TNS2: variants seen among roughly 807,000 people sequenced by gnomAD.
TNS2 encodes tensin 2.
In TNS2, 77 loss-of-function variants were observed where a neutral mutation model predicts 155.7. The ratio of observed to expected loss-of-function variants is 0.49; its 90% confidence interval spans 0.41 to 0.60. The LOEUF (loss-of-function observed/expected upper bound fraction) is 0.60, where lower values mean the gene tolerates loss of function less well. Among genes scored for constraint, TNS2 ranks in the 20% least tolerant of loss-of-function variants. The pLI, the probability that TNS2 is intolerant of heterozygous loss-of-function variation, is 0.00. For missense variants in TNS2, 1,703 were observed against 1,868.8 expected (o/e 0.91, Z 1.64); for synonymous variants, 726 against 763.9 (o/e 0.95, Z 0.82).
chr12:53,059,467 A>G lies in TNS2; in HGVS notation c.1826A>G (p.Tyr609Cys). 6.5e-7 allele frequency: 1 copy of G among 1,534,672 alleles called. No homozygotes were observed. The highest frequency in any genetic ancestry group is 1.4e-5 in the African/African-American group (1 of 71,830). Residue 609 changes from tyrosine (Y) to cysteine (C), a missense_variant, in exon 18 of 29, where the codon TAC (tyrosine) becomes TGC (cysteine). Transcript: ENST00000314250. The surrounding 1 kb of genome is among the most constrained non-coding windows in gnomAD (Gnocchi z 4.7). ...CCCTGCGGGGTTCCCAATGGGGGCT[A>G]CTACCGGCCAGAGGGAACCCTGGAG... ...REPCGVPNGG[Y>C]YRPEGTLERR...
At chr12:53,053,614 C>G in intron 4 of TNS2, 160 bp from the exon 5 acceptor site, 3 of 1,356,986 alleles carry the variant, frequency 2.2e-6, no homozygotes, top group Non-Finnish European at 3.0e-6. Context: ...CTCTGCTGAT[C>G]TTGTGCCCTT....
chr12:53,060,953 C>A lies in TNS2; in HGVS notation c.3047C>A (p.Pro1016His). 1 of 1,604,392 alleles carries A rather than the reference C, an allele frequency of 6.2e-7. No individual in the cohort carries two copies. Among genetic ancestry groups the A allele is most frequent in the South Asian group, 1.1e-5 (1 of 89,928 alleles). Residue 1016 changes from proline (P) to histidine (H), a missense_variant, in exon 20 of 29, where the codon CCC (proline) becomes CAC (histidine). By Grantham distance (77) the Pro-to-His change is moderately conservative. Transcript: ENST00000314250. The surrounding 1 kb of genome is among the most constrained non-coding windows in gnomAD (Gnocchi z 6.1). Reference protein sequence around the residue: ...PTTLPGLRHAPWQGPRGPPDS... With the variant: ...PTTLPGLRHAHWQGPRGPPDS... ...ACACTTCCTGGCCTCCGCCACGCCC[C>A]CTGGCAAGGCCCTCGAGGCCCCCCC...
chr12:53,061,980 T>A, intron 22 of TNS2, 40 bp downstream of exon 22: 1 of 1,608,864 alleles, frequency 6.2e-7, no homozygotes, highest in Non-Finnish European at 8.5e-7. Context: ...GGGATGAAGT[T>A]GGGGGTGGTG....
In TNS2 at chr12:53,059,211, G is replaced by A. The variant is rs370937076; in HGVS notation, c.1570G>A (p.Ala524Thr). Reference sequence around the variant, plus strand: ...TTCCTCCACGCTGACCACAGAGCCGGCTGCTGAGTCCCCTGGCCGGCCGCC... The same window carrying A: ...TTCCTCCACGCTGACCACAGAGCCGACTGCTGAGTCCCCTGGCCGGCCGCC... Reference protein sequence around the residue: ...GHSSTLTTEPAAESPGRPPPT... With the variant: ...GHSSTLTTEPTAESPGRPPPT... Residue 524 changes from alanine to threonine, a missense_variant, in exon 18 of 29, where the codon GCT (alanine) becomes ACT (threonine). Ala to Thr is a moderately conservative substitution (Grantham distance 58). Coordinates refer to ENST00000314250, the MANE Select transcript of TNS2 (RefSeq NM_170754.4). The surrounding 1 kb of genome is among the most constrained non-coding windows in gnomAD (Gnocchi z 4.7). 6.5e-5 allele frequency: 103 copies of A among 1,580,232 alleles called. No individual in the cohort carries two copies. Among genetic ancestry groups the A allele is most frequent in the Non-Finnish European group, 8.2e-5 (96 of 1,169,752 alleles).
At chr12:53,055,913 C>A (rs1944136055) in intron 10 of TNS2, 68 bp downstream of exon 10, 3 of 1,526,728 alleles carry the variant, frequency 2.0e-6, no homozygotes, top group Non-Finnish European at 2.7e-6. Context: ...CCTTAGGAAC[C>A]CATCTCCCCT....
At chr12:53,052,550 A>G in intron 3 of TNS2, 58 bp downstream of exon 3, 1 of 1,608,512 alleles carries the variant, frequency 6.2e-7, no homozygotes, top group Non-Finnish European at 8.5e-7. Context: ...TCCTCCTCCC[A>G]AACAGGCTTC....
intron 4 of TNS2, 64 bp from the exon 5 acceptor site, chr12:53,053,710 C>G: frequency 6.3e-7 from 1 of 1,587,796 alleles, no homozygotes; most frequent in Non-Finnish European, 8.6e-7. Flanking sequence ...GTCCCCAAGG[C>G]CCACATTGGT....
chr12:53,062,058 G>T, intron 22 of TNS2, 95 bp from the exon 23 acceptor site: 1 of 1,611,154 alleles, frequency 6.2e-7, no homozygotes, highest in Non-Finnish European at 8.5e-7. Flanking sequence ...GGGAGAGGTA[G>T]GAAAAGACCT....
Position 53,061,151 on chromosome 12 carries a change from C to G in TNS2, c.3245C>G (p.Pro1082Arg). Reference protein sequence around the residue: ...PLPEKRHLPGPGQQPGPWGPE... With the variant: ...PLPEKRHLPGRGQQPGPWGPE... ...CCTGAGAAACGCCACCTGCCCGGGC[C>G]GGGGCAACAGCCAGGACCCTGGGGC... Residue 1082 changes from proline (P) to arginine (R), a missense_variant, in exon 20 of 29, where the codon CCG becomes CGG. Physicochemically the swap from Pro to Arg is moderately radical, Grantham distance 103. Coordinates refer to ENST00000314250, the MANE Select transcript of TNS2 (RefSeq NM_170754.4). 6.2e-7 allele frequency: 1 copy of G among 1,608,510 alleles called. No homozygotes were observed. Among genetic ancestry groups the G allele is most frequent in the South Asian group, 1.1e-5 (1 of 90,336 alleles).
Position 53,050,412 on chromosome 12 carries a change from C to A in TNS2, c.75+152C>A. ...AGCATCCCCTCCGGAGTGGCCAGGG[C>A]TGTAGTGTGAGGGGATGTTTGGGTT... On this transcript the variant is annotated intron_variant, in intron 1 of 28. Transcript: ENST00000314250. The surrounding 1 kb of genome is among the most constrained non-coding windows in gnomAD (Gnocchi z 4.7). 1 of 950,606 alleles carries A rather than the reference C, an allele frequency of 1.1e-6. No individual in the cohort carries two copies. The highest frequency in any genetic ancestry group is 1.5e-6 in the Non-Finnish European group (1 of 653,094). The allele number at this position is 950,606 out of a possible 1,614,324, so 58.9% of individuals were successfully genotyped here.
intron 25 of TNS2, 126 bp downstream of exon 25, chr12:53,062,823 G>A: frequency 8.4e-7 from 1 of 1,184,530 alleles, no homozygotes; most frequent in Non-Finnish European, 1.2e-6. Flanking sequence ...GGGCAGGGGA[G>A]CCCCATACTG....
At chr12:53,055,971 C>T (rs1944139264) in intron 10 of TNS2, 126 bp downstream of exon 10, 3 of 955,104 alleles carry the variant, frequency 3.1e-6, no homozygotes, top group African/African-American at 3.3e-5. Context: ...CTTAGCACTT[C>T]CACCTCCCTT....
In TNS2 at chr12:53,055,812, C is replaced by G. The variant is rs1024864882; in HGVS notation, c.728C>G (p.Ser243Cys). The G allele has an allele frequency of 1.2e-6, 2 of 1,614,070 alleles. No homozygotes were observed. The highest frequency in any genetic ancestry group is 2.7e-5 in the African/African-American group (2 of 74,948). Residue 243 changes from serine to cysteine, a missense_variant, in exon 10 of 29, where the codon TCT becomes TGT. Physicochemically the swap from Ser to Cys is moderately radical, Grantham distance 112 (BLOSUM62 -1). Transcript: ENST00000314250. ...AAGGGCAAGCTTGGGGTCATCGTTT[C>G]TGCCTACATGCACTACAGCAAGATC... ...GNKGKLGVIVSAYMHYSKISA... is the reference protein window; with the variant it reads ...GNKGKLGVIVCAYMHYSKISA...
At position 53,061,887 on chromosome 12, in the gene TNS2, A is replaced by G; in HGVS notation, c.3521A>G (p.Tyr1174Cys). ...GACAGTCATTCATTCCAAGGAGCTT[A>G]TGGGCTGGCCCTCAAGGTGGCCACA... is the stretch of plus-strand genomic sequence containing the variant. ...IRDSHSFQGA[Y>C]GLALKVATPP... The change falls in exon 22 of 29, where the codon TAT (tyrosine) becomes TGT (cysteine). Residue 1174 changes from tyrosine to cysteine, a missense_variant. Physicochemically the swap from Tyr to Cys is radical, Grantham distance 194 (BLOSUM62 -2). Coordinates refer to ENST00000314250, the MANE Select transcript of TNS2 (RefSeq NM_170754.4). The G allele has an allele frequency of 6.2e-7, 1 of 1,613,720 alleles. No individual in the cohort carries two copies. Among genetic ancestry groups the G allele is most frequent in the East Asian group, 2.2e-5 (1 of 44,882 alleles).
At chr12:53,057,984 A>G (rs757000269) in intron 13 of TNS2, 43 bp from the exon 14 acceptor site, 3 of 1,612,906 alleles carry the variant, frequency 1.9e-6, no homozygotes, top group Non-Finnish European at 2.5e-6. Context: ...CTCTGCACGC[A>G]GGAGCTTCTG....
At chr12:53,053,502 C>T in intron 4 of TNS2, 53 bp downstream of exon 4, 1 of 1,609,312 alleles carries the variant, frequency 6.2e-7, no homozygotes, top group East Asian at 2.2e-5. Context: ...GCCATGGTGT[C>T]CAGAGGTCTG....
At chr12:53,049,184 T>C, upstream of TNS2, 1 of 1,592,920 alleles carries the variant, frequency 6.3e-7, no homozygotes, top group Non-Finnish European at 8.5e-7. Flanking sequence ...GGGGACCTCC[T>C]GTCCAGTCCT....
At chr12:53,050,043 CG>C, upstream of TNS2, 3 of 1,476,114 alleles carry the variant, frequency 2.0e-6, no homozygotes, top group East Asian at 2.5e-5. This position sits in a 1 kb window ranked among gnomAD's most constrained non-coding sequence, Gnocchi z 4.7. Flanking sequence ...CTTCCAGGGC[CG>C]GGCTTCTCCT....
rs774294476 is a variant in TNS2, at chr12:53,063,734, A to T, written c.4092-10A>T. 1 of 1,613,790 alleles carries T rather than the reference A, an allele frequency of 6.2e-7. No homozygotes were observed. The highest frequency in any genetic ancestry group is 1.3e-5 in the African/African-American group (1 of 75,012). ...ATGTTAAGCCCCTTCCCCACCCTTT[A>T]TCCCCCTAGGATCTTTGGTTTCGTG... On this transcript the variant is annotated splice_polypyrimidine_tract_variant and intron_variant, in intron 28 of 28. Transcript: ENST00000314250. The surrounding 1 kb of genome is among the most constrained non-coding windows in gnomAD (Gnocchi z 5.6).
Sources: allele counts gnomAD v4.1 joint callset, GRCh38; gene constraint gnomAD v4.1.1; non-coding constraint Gnocchi (gnomAD v3.1); transcripts MANE v1.5; gene names NCBI Gene and HGNC (gene_info 2026-07-23, HGNC 2026-07-21).